PLCB1: variants seen among roughly 807,000 people sequenced by gnomAD.
PLCB1 encodes 1-phosphatidylinositol 4,5-bisphosphate phosphodiesterase beta-1.
Under a neutral mutation model 161.8 loss-of-function variants are expected in PLCB1, and 46 were observed. The observed-to-expected ratio is 0.28, with a 90% CI of 0.22 to 0.36. The LOEUF is 0.36. PLCB1 is among the 10% of genes least tolerant of loss of function. The pLI is 1.00. For synonymous variants in PLCB1, 517 were observed against 503.7 expected (o/e 1.03, Z -0.35); for missense variants, 1,016 against 1,472.5 (o/e 0.69, Z 5.07).
At chr20:8,670,631 G>A (rs1568554391) in intron 9 of PLCB1, among the ~76,000 whole-genome samples, 1 of 152,190 alleles carries the variant, frequency 6.6e-6, no homozygotes, top group Admixed American at 6.5e-5. Context: ...GAAAACAGGT[G>A]CAGAACATAC....
intron 2 of PLCB1, among the ~76,000 whole-genome samples, chr20:8,275,749 G>C (rs1600280428): frequency 1.3e-5 from 2 of 152,252 alleles, no homozygotes; most frequent in East Asian, 3.9e-4. Context: ...GAAAGTTACT[G>C]CTATTTCCTT....
intron 12 of PLCB1, among the ~76,000 whole-genome samples, chr20:8,712,716 G>T (rs1439633827): frequency 3.3e-5 from 5 of 151,982 alleles, no homozygotes; most frequent in Non-Finnish European, 5.9e-5. Context: ...AGGGAAAGAG[G>T]TTGGTTTAGT....
At chr20:8,246,877 C>T (rs1980904220) in intron 2 of PLCB1, among the ~76,000 whole-genome samples, 1 of 151,798 alleles carries the variant, frequency 6.6e-6, no homozygotes, top group South Asian at 2.1e-4. Context: ...AATCTTTCCA[C>T]TCTTTAGAGC....
chr20:8,804,289 G>A (rs888987525), intron 31 of PLCB1, among the ~76,000 whole-genome samples: 2 of 152,164 alleles, frequency 1.3e-5, no homozygotes, highest in African/African-American at 4.8e-5. Flanking sequence ...GTAATAGCGT[G>A]TTCACAACTT....
chr20:8,370,103 G>A (rs1355614927), intron 2 of PLCB1, among the ~76,000 whole-genome samples: 1 of 152,158 alleles, frequency 6.6e-6, no homozygotes, highest in Non-Finnish European at 1.5e-5. Flanking sequence ...TCCGGGAGAA[G>A]GGGATTCGAT....
chr20:8,439,513 T>A (rs1309944020), intron 3 of PLCB1, among the ~76,000 whole-genome samples: 2 of 152,206 alleles, frequency 1.3e-5, no homozygotes, highest in Non-Finnish European at 2.9e-5. Context: ...TGTGTCAAAT[T>A]TTCTTGAGGA....
intron 3 of PLCB1, among the ~76,000 whole-genome samples, chr20:8,386,360 A>C (rs1324784526): frequency 6.6e-6 from 1 of 152,194 alleles, no homozygotes; most frequent in East Asian, 1.9e-4. Flanking sequence ...AACAACATTA[A>C]TCTCCTTGTA....
chr20:8,183,015 A>C (rs1274406691), intron 2 of PLCB1, among the ~76,000 whole-genome samples: 2 of 152,176 alleles, frequency 1.3e-5, no homozygotes, highest in African/African-American at 4.8e-5. Context: ...GAGCCCGTGA[A>C]GCTGCATTCA....
intron 9 of PLCB1, among the ~76,000 whole-genome samples, chr20:8,669,822 C>T (rs957223613): frequency 1.3e-5 from 2 of 152,144 alleles, no homozygotes; most frequent in Admixed American, 1.3e-4. Context: ...TTAATGAGAA[C>T]ATAATTATGT....
chr20:8,640,821 C>T (rs972296706), intron 4 of PLCB1, among the ~76,000 whole-genome samples: 4 of 152,184 alleles, frequency 2.6e-5, no homozygotes, highest in African/African-American at 4.8e-5. Flanking sequence ...AACATCTCTC[C>T]GTTCTTCTAC....
At chr20:8,495,712 C>A (rs561659591) in intron 3 of PLCB1, among the ~76,000 whole-genome samples, 2 of 152,158 alleles carry the variant, frequency 1.3e-5, no homozygotes, top group East Asian at 3.9e-4. Context: ...ACCTTCCTTA[C>A]TTAACCAATC....
At chr20:8,153,556 A>G (rs1030045635) in intron 2 of PLCB1, among the ~76,000 whole-genome samples, 1 of 152,114 alleles carries the variant, frequency 6.6e-6, no homozygotes, top group Non-Finnish European at 1.5e-5. Flanking sequence ...TGTGAACTAT[A>G]AGAATCTGCT....
At chr20:8,136,861 C>T (rs1046939740) in intron 1 of PLCB1, among the ~76,000 whole-genome samples, 2 of 152,134 alleles carry the variant, frequency 1.3e-5, no homozygotes, top group African/African-American at 4.8e-5. Flanking sequence ...TAATTTAGAG[C>T]AGGATCCATT....
intron 2 of PLCB1, among the ~76,000 whole-genome samples, chr20:8,298,347 G>A (rs1208376867): frequency 6.6e-6 from 1 of 151,222 alleles, no homozygotes. Flanking sequence ...AAAGCTCTGC[G>A]TCTGCACCAC....
At chr20:8,399,120 T>G (rs1978432157) in intron 3 of PLCB1, among the ~76,000 whole-genome samples, 1 of 151,836 alleles carries the variant, frequency 6.6e-6, no homozygotes, top group African/African-American at 2.4e-5. Context: ...GATTTTCCAT[T>G]TAGATCTTGG....
At chr20:8,513,866 TAAC>T (rs1308894979) in intron 3 of PLCB1, among the ~76,000 whole-genome samples, 1 of 150,666 alleles carries the variant, frequency 6.6e-6, no homozygotes, top group Non-Finnish European at 1.5e-5. Flanking sequence ...AAGTTAAAAA[TAAC>T]AACAAAAAAT....
At chr20:8,838,552 A>G (rs1312265321) in intron 31 of PLCB1, among the ~76,000 whole-genome samples, 1 of 152,192 alleles carries the variant, frequency 6.6e-6, no homozygotes, top group Non-Finnish European at 1.5e-5. Flanking sequence ...CAGAACTGCT[A>G]TATTGGTTCT....
chr20:8,660,578 C>T (rs1164467726), intron 9 of PLCB1, among the ~76,000 whole-genome samples: 5 of 152,148 alleles, frequency 3.3e-5, no homozygotes, highest in African/African-American at 9.6e-5. Flanking sequence ...CCTCTGATGA[C>T]TTGCACGATG....
intron 31 of PLCB1, among the ~76,000 whole-genome samples, chr20:8,869,859 T>A (rs1987553244): frequency 6.6e-6 from 1 of 152,160 alleles, no homozygotes; most frequent in Non-Finnish European, 1.5e-5. Flanking sequence ...TGTTGATGAA[T>A]CTAGGATAAT....
Sources: allele counts gnomAD v4.1 joint callset (sites outside exome capture counted in the v4.1 genomes callset), GRCh38; gene constraint gnomAD v4.1.1; transcripts MANE v1.5; gene names NCBI Gene and HGNC (gene_info 2026-07-23, HGNC 2026-07-21).